The following RPH3A variants were observed in gnomAD, a reference collection of about 807,000 sequenced individuals.
RPH3A encodes the protein rabphilin-3A.
A neutral mutation model predicts 102.2 loss-of-function variants in RPH3A; 48 were observed. The ratio of observed to expected loss-of-function variants is 0.47; its 90% CI spans 0.37 to 0.60. The LOEUF (loss-of-function observed/expected upper bound fraction) is 0.60. Ranked by LOEUF, RPH3A falls within the 20% of genes least tolerant of loss-of-function variation. The probability of loss-of-function intolerance (pLI) is 0.00; values close to 1 mark genes in which losing one functional copy is unlikely to be tolerated. For synonymous variants in RPH3A, 310 were observed against 324.3 expected, an observed-to-expected ratio of 0.96 and a Z score of 0.47; for missense variants, 781 against 910.1, an observed-to-expected ratio of 0.86 and a Z score of 1.83.
chr12:112,760,180 C>A (rs942383124), intron 1 of RPH3A, among the ~76,000 whole-genome samples: 2 of 152,170 alleles, frequency 1.3e-5, no homozygotes, highest in African/African-American at 2.4e-5. Context: ...CACTGACCAC[C>A]ATTTTTTGTT....
intron 1 of RPH3A, among the ~76,000 whole-genome samples, chr12:112,698,240 A>G (rs960986255): frequency 5.3e-5 from 8 of 152,240 alleles, no homozygotes; most frequent in African/African-American, 1.9e-4. Flanking sequence ...ATATTACATC[A>G]TATACAAACA....
chr12:112,629,937 G>A (rs2039792242), intron 1 of RPH3A, among the ~76,000 whole-genome samples: 1 of 152,018 alleles, frequency 6.6e-6, no homozygotes, highest in African/African-American at 2.4e-5. Context: ...AGTAAATTTA[G>A]GCTCAGAGGT....
chr12:112,861,059 G>A (rs1470261226), intron 5 of RPH3A, among the ~76,000 whole-genome samples: 5 of 152,096 alleles, frequency 3.3e-5, no homozygotes, highest in African/African-American at 1.2e-4. Flanking sequence ...ACAAACAAAA[G>A]AGATCAATGC....
At chr12:112,775,867 T>C (rs1000081411) in intron 1 of RPH3A, among the ~76,000 whole-genome samples, 1 of 152,128 alleles carries the variant, frequency 6.6e-6, no homozygotes, top group Non-Finnish European at 1.5e-5. Flanking sequence ...TTTCCAGGGG[T>C]AGATTATAAT....
At position 112,894,596 on chromosome 12, in the gene RPH3A, G is replaced by A. The variant is rs748661089; in HGVS notation, c.1794G>A (p.Met598Ile). 8.1e-6 allele frequency: 13 copies of A among 1,613,852 alleles called. No individual in the cohort carries two copies. Among genetic ancestry groups the A allele is most frequent in the Non-Finnish European group, 1.1e-5 (13 of 1,179,928 alleles). ...CTCCCAGCTGGCTGAAACCGGACAT[G>A]GGAAAGAAGGCCAAACACAAGACTC... ...PFVKLWLKPD[M>I]GKKAKHKTQI... Residue 598 changes from methionine (M) to isoleucine (I), a missense_variant, in exon 20 of 22, where the codon ATG becomes ATA. By Grantham distance (10) the Met-to-Ile change is conservative (BLOSUM62 1). Transcript: ENST00000389385.
At chr12:112,643,548 T>A (rs1374008088) in intron 1 of RPH3A, among the ~76,000 whole-genome samples, 2 of 152,240 alleles carry the variant, frequency 1.3e-5, no homozygotes, top group Non-Finnish European at 2.9e-5. Context: ...ACATAGTTTC[T>A]GCTACATGGG....
intron 1 of RPH3A, among the ~76,000 whole-genome samples, chr12:112,691,273 A>G (rs895566739): frequency 6.6e-6 from 1 of 152,060 alleles, no homozygotes; most frequent in Admixed American, 6.5e-5. Context: ...CGGCCTCCCA[A>G]AGTGCTGGGA....
chr12:112,758,637 T>C (rs2040835886), intron 1 of RPH3A, among the ~76,000 whole-genome samples: 1 of 152,230 alleles, frequency 6.6e-6, no homozygotes, highest in African/African-American at 2.4e-5. Flanking sequence ...AAATGAGAGT[T>C]TGGATTTTAA....
intron 2 of RPH3A, among the ~76,000 whole-genome samples, chr12:112,811,528 AC>A (rs34419577): frequency 0.015 from 2,033 of 133,328 alleles, 47 homozygotes; most frequent in African/African-American, 0.049. Context: ...ACTAAATAGA[AC>A]CCCCCCCCCA....
chr12:112,857,154 G>A (rs981975899), intron 5 of RPH3A, among the ~76,000 whole-genome samples: 3 of 152,188 alleles, frequency 2.0e-5, no homozygotes, highest in Admixed American at 2.0e-4. Flanking sequence ...GAACCTCACA[G>A]GGTCAAAAGC....
intron 1 of RPH3A, chr12:112,695,207 A>G (rs1336966710): frequency 5.9e-6 from 1 of 169,130 alleles, no homozygotes. Context: ...TGGCAACCCT[A>G]ATCCATAGAC....
In RPH3A at chr12:112,675,589, G is replaced by A. The variant is rs73417171; in HGVS notation, c.-140+100270G>A. Among the ~76,000 whole-genome samples, 315 of 152,234 alleles carry A rather than the reference G, an allele frequency of 2.1e-3. 2 individuals are homozygous for A. The highest frequency in any genetic ancestry group is 6.9e-3 in the African/African-American group (288 of 41,536). The stretch of plus-strand genomic sequence containing the variant: ...ACACAAGTTGGTTTGATTCAAAAGC[G>A]CATTCTTTTATTTTTGCTTTGCTTT... On this transcript the variant is annotated intron_variant, in intron 1 of 21. Transcript: ENST00000543106.
chr12:112,868,310 G>A (rs2042645335), intron 7 of RPH3A, 120 bp from the exon 8 acceptor site: 1 of 970,014 alleles, frequency 1.0e-6, no homozygotes, highest in Admixed American at 2.4e-5. Context: ...TAATAAAAGT[G>A]TGCTGGCTAT....
intron 3 of RPH3A, 95 bp downstream of exon 3, chr12:112,828,484 C>G: frequency 1.1e-6 from 1 of 891,956 alleles, no homozygotes; most frequent in Non-Finnish European, 1.8e-6. Context: ...GCTTCCTTCC[C>G]TGAGGAAGGG....
Position 112,794,827 on chromosome 12 carries a change from C to T in RPH3A, c.-19+2564C>T, listed in dbSNP as rs1285013453. Among the ~76,000 whole-genome samples, 3 of 152,208 alleles carry T rather than the reference C, an allele frequency of 2.0e-5. No individual in the cohort carries two copies. In the East Asian group the frequency reaches 5.8e-4, roughly 29 times the overall value. Reference sequence around the variant, plus strand: ...AAGACCAAGGCATCATCCCCTCACTCCTGGCTCCAGCAGCCCCTACTCCCC... The same window carrying T: ...AAGACCAAGGCATCATCCCCTCACTTCTGGCTCCAGCAGCCCCTACTCCCC... On this transcript the variant is annotated intron_variant, in intron 2 of 21. Coordinates refer to ENST00000389385, the MANE Select transcript of RPH3A (RefSeq NM_001143854.2).
chr12:112,651,685 T>C (rs1308687636), intron 1 of RPH3A: 1 of 152,228 alleles, frequency 6.6e-6, no homozygotes, highest in Non-Finnish European at 1.5e-5. Flanking sequence ...CTACTGTCCA[T>C]TTCCAGAACC....
At chr12:112,660,127 A>G (rs531461471) in intron 1 of RPH3A, among the ~76,000 whole-genome samples, 7 of 152,332 alleles carry the variant, frequency 4.6e-5, no homozygotes, top group Admixed American at 2.6e-4. Flanking sequence ...GCATTGATAA[A>G]CAAATATATG....
intron 1 of RPH3A, among the ~76,000 whole-genome samples, chr12:112,638,920 A>G (rs2039866558): frequency 6.6e-6 from 1 of 152,190 alleles, no homozygotes; most frequent in Non-Finnish European, 1.5e-5. Context: ...CTGGGTGCCC[A>G]GGACAGCTCC....
chr12:112,592,156 C>A (rs948715293), intron 1 of RPH3A, among the ~76,000 whole-genome samples: 4 of 152,022 alleles, frequency 2.6e-5, no homozygotes, highest in Admixed American at 2.0e-4. Flanking sequence ...GTGGGTGCAT[C>A]CCTTGAGGCC....
Sources: allele counts gnomAD v4.1 joint callset (sites outside exome capture counted in the v4.1 genomes callset), GRCh38; gene constraint gnomAD v4.1.1; transcripts MANE v1.5; gene names NCBI Gene and HGNC (gene_info 2026-07-23, HGNC 2026-07-21).